Variants in PTPRJ observed in about 807,000 individuals in gnomAD.
PTPRJ encodes the protein receptor-type tyrosine-protein phosphatase eta.
In PTPRJ, 129 loss-of-function variants were observed where a neutral mutation model predicts 141.3. That is an observed-to-expected ratio of 0.91 (90% CI 0.79 to 1.06). The LOEUF is 1.06. PTPRJ is among the 50% of genes least tolerant of loss of function. The pLI is 0.00. For synonymous variants in PTPRJ, 610 were observed against 640.5 expected (o/e 0.95, Z 0.72); for missense variants, 1,601 against 1,679.7 (o/e 0.95, Z 0.82).
chr11:48,127,710 C>A, intron 6 of PTPRJ, 70 bp from the exon 7 acceptor site: 1 of 1,510,588 alleles, frequency 6.6e-7, no homozygotes. Context: ...TGACAGCATG[C>A]CCTGATGACC....
At chr11:47,981,303 C>T (rs1853899583) in intron 1 of PTPRJ, among the ~76,000 whole-genome samples, 1 of 152,154 alleles carries the variant, frequency 6.6e-6, no homozygotes, top group African/African-American at 2.4e-5. Context: ...CCCGGCTCTT[C>T]CCGGCGCTGG....
intron 1 of PTPRJ, among the ~76,000 whole-genome samples, chr11:48,013,346 G>A (rs532866354): frequency 6.6e-6 from 1 of 152,132 alleles, no homozygotes; most frequent in Non-Finnish European, 1.5e-5. Flanking sequence ...GCATACAGGG[G>A]TCAGAGGTCA....
intron 1 of PTPRJ, among the ~76,000 whole-genome samples, chr11:48,033,431 G>A (rs1854039419): frequency 6.6e-6 from 1 of 152,132 alleles, no homozygotes. Context: ...TGAAGCTGTG[G>A]GACGGGGTAA....
chr11:48,086,185 A>AT (rs1315378941), intron 1 of PTPRJ, among the ~76,000 whole-genome samples: 15 of 150,754 alleles, frequency 9.9e-5, no homozygotes, highest in East Asian at 1.9e-4. Flanking sequence ...TTTAAAAAAA[A>AT]TTTTTTTTTT....
At chr11:48,005,836 C>G (rs1565253507) in intron 1 of PTPRJ, among the ~76,000 whole-genome samples, 1 of 152,208 alleles carries the variant, frequency 6.6e-6, no homozygotes, top group African/African-American at 2.4e-5. Context: ...AAGGGACTCT[C>G]TGAGACAGGG....
chr11:48,167,212 T>C lies in PTPRJ; in HGVS notation c.3864T>C (p.Tyr1288=). The C allele has an allele frequency of 6.2e-7, 1 of 1,611,556 alleles. No individual in the cohort carries two copies. Among genetic ancestry groups the C allele is most frequent in the East Asian group, 2.2e-5 (1 of 44,856 alleles). The change falls in exon 25 of 25, where the codon TAT becomes TAC. Residue 1288 remains tyrosine (Y), a synonymous_variant. Coordinates refer to ENST00000418331, the MANE Select transcript of PTPRJ (RefSeq NM_002843.4). ...TTTCGTTTTTCTATCAGGACCAGTA[T>C]GTTTTCCTCAATCAGTGTGTTTTGG... ...RPLMVQTEDQ[Y]VFLNQCVLDI... is the part of the protein sequence containing the mutation.
At chr11:48,118,494 C>T (rs1038228473) in intron 3 of PTPRJ, among the ~76,000 whole-genome samples, 1 of 152,100 alleles carries the variant, frequency 6.6e-6, no homozygotes, top group Non-Finnish European at 1.5e-5. Context: ...TACCTTGATA[C>T]GAAAACCAGA....
chr11:48,123,659 G>T lies in PTPRJ; in HGVS notation c.663G>T (p.Arg221Ser). 5.0e-6 allele frequency: 8 copies of T among 1,614,150 alleles called. No homozygotes were observed. Among genetic ancestry groups the T allele is most frequent in the Non-Finnish European group, 6.8e-6 (8 of 1,180,014 alleles). ...TCCGTGTTGCCCTCACGGGTGTGAG[G>T]AAGGCTGCTCTCTCCTGGAGCAATG... ...SDLRVALTGVRKAALSWSNGN... is the reference protein window; with the variant it reads ...SDLRVALTGVSKAALSWSNGN... Residue 221 changes from arginine to serine, a missense_variant, in exon 5 of 25, where the codon AGG becomes AGT. Transcript: ENST00000418331.
rs1427584517 is a variant in PTPRJ, at chr11:48,136,293, A to C, written c.1870A>C (p.Thr624Pro). 6.2e-7 allele frequency: 1 copy of C among 1,613,824 alleles called. No individual in the cohort carries two copies. Among genetic ancestry groups the C allele is most frequent in the South Asian group, 1.1e-5 (1 of 91,074 alleles). Reference protein sequence around the residue: ...WGDPNSTAQYTRPSNVSNIDV... With the variant: ...WGDPNSTAQYPRPSNVSNIDV... ...GGACCCCAACTCCACTGCACAGTAC[A>C]CACGTAAGTCTCTTAGGATGCCCTT... Residue 624 changes from threonine (T) to proline (P), a missense_variant, in exon 9 of 25, where the codon ACA becomes CCA. By Grantham distance (38) the Thr-to-Pro change is conservative. Coordinates refer to ENST00000418331, the MANE Select transcript of PTPRJ (RefSeq NM_002843.4).
chr11:48,010,026 C>T (rs576400274), intron 1 of PTPRJ, among the ~76,000 whole-genome samples: 8 of 152,212 alleles, frequency 5.3e-5, no homozygotes, highest in Non-Finnish European at 8.8e-5. Flanking sequence ...AAATTTCTTA[C>T]AGTCTCTCCA....
intron 1 of PTPRJ, among the ~76,000 whole-genome samples, chr11:48,039,986 A>G (rs1854234183): frequency 6.6e-6 from 1 of 152,122 alleles, no homozygotes; most frequent in Admixed American, 6.5e-5. Context: ...ACGTGGTTTC[A>G]CCATGTTGGG....
intron 24 of PTPRJ, among the ~76,000 whole-genome samples, chr11:48,165,810 T>C (rs1363089793): frequency 1.3e-5 from 2 of 152,232 alleles, no homozygotes; most frequent in Admixed American, 1.3e-4. Flanking sequence ...TTTTTTATAT[T>C]TTGAAAACAA....
chr11:48,149,513 T>C (rs772035816), intron 16 of PTPRJ, 25 bp downstream of exon 16: 2 of 1,398,634 alleles, frequency 1.4e-6, no homozygotes, highest in Non-Finnish European at 9.9e-7. Context: ...TTATGAGCTT[T>C]ATTTTAAATC....
At chr11:48,096,795 T>TA (rs11382316) in intron 1 of PTPRJ, 114,304 of 154,514 alleles carry the variant, frequency 0.74, 43,036 homozygotes, top group South Asian at 0.84. Context: ...CGAGAGCTGA[T>TA]AAGAACAGAG....
chr11:48,118,292 C>G (rs1388464659), intron 3 of PTPRJ, among the ~76,000 whole-genome samples: 1 of 152,156 alleles, frequency 6.6e-6, no homozygotes, highest in East Asian at 1.9e-4. Context: ...ACTGTGTTGC[C>G]CAGGCTGCTC....
intron 15 of PTPRJ, among the ~76,000 whole-genome samples, chr11:48,148,234 AC>A (rs1281138308): frequency 6.6e-6 from 1 of 152,214 alleles, no homozygotes; most frequent in Non-Finnish European, 1.5e-5. Context: ...TAAGAGTAAT[AC>A]ATGCTTATGG....
intron 1 of PTPRJ, among the ~76,000 whole-genome samples, chr11:48,003,374 C>T (rs1323113989): frequency 6.6e-6 from 1 of 152,076 alleles, no homozygotes; most frequent in Non-Finnish European, 1.5e-5. Context: ...TACCACTTGC[C>T]TAATAACGTT....
intron 7 of PTPRJ, 45 bp downstream of exon 7, chr11:48,128,088 T>C (rs775500178): frequency 6.3e-7 from 1 of 1,578,598 alleles, no homozygotes; most frequent in East Asian, 2.3e-5. Flanking sequence ...GCTGTCCTGC[T>C]CCGTGCCAGG....
intron 9 of PTPRJ, among the ~76,000 whole-genome samples, chr11:48,136,673 A>G (rs1484699217): frequency 6.6e-6 from 1 of 152,230 alleles, no homozygotes; most frequent in Admixed American, 6.5e-5. Flanking sequence ...AATTAAATAC[A>G]TGGTAAAGAT....
Sources: gnomAD v4.1 joint callset for allele counts (sites outside exome capture counted in the v4.1 genomes callset) on GRCh38, gnomAD v4.1.1 for gene constraint, MANE v1.5 for transcripts, NCBI Gene and HGNC (gene_info 2026-07-23, HGNC 2026-07-21) for gene names.